The following SIPA1L1 variants were observed in gnomAD, a reference collection of about 807,000 sequenced individuals.
The protein encoded by SIPA1L1 is signal induced proliferation associated 1 like 1, also known as signal-induced proliferation-associated 1-like protein 1.
In SIPA1L1, 26 loss-of-function variants were observed where a neutral mutation model predicts 162.7. The observed-to-expected ratio is 0.16, with a 90% confidence interval of 0.12 to 0.22. The LOEUF (loss-of-function observed/expected upper bound fraction) is 0.22, where lower values mean the gene tolerates loss of function less well. SIPA1L1 is among the 10% of genes least tolerant of loss of function. SIPA1L1 has a pLI of 1.00. For synonymous variants in SIPA1L1, 829 were observed against 837.4 expected, an observed-to-expected ratio of 0.99 and a Z score of 0.17; for missense variants, 1,874 against 2,241.0, an observed-to-expected ratio of 0.84 and a Z score of 3.31.
At chr14:71,477,200 G>A (rs1054642309) in intron 2 of SIPA1L1, among the ~76,000 whole-genome samples, 1 of 152,144 alleles carries the variant, frequency 6.6e-6, no homozygotes, top group African/African-American at 2.4e-5. Flanking sequence ...GGTGGAGGTT[G>A]CAGTGAGCTG....
At chr14:71,581,571 A>G (rs1159204722) in intron 4 of SIPA1L1, among the ~76,000 whole-genome samples, 3 of 152,150 alleles carry the variant, frequency 2.0e-5, no homozygotes, top group Non-Finnish European at 2.9e-5. Flanking sequence ...AAGTTATTTA[A>G]TACCAGATTT....
At chr14:71,609,113 ATG>A (rs2148263227) in intron 5 of SIPA1L1, among the ~76,000 whole-genome samples, 1 of 152,238 alleles carries the variant, frequency 6.6e-6, no homozygotes, top group Admixed American at 6.5e-5. Flanking sequence ...ATATTGGGCC[ATG>A]CCATCTCTTA....
At chr14:71,349,613 T>A (rs2036497332) in intron 2 of SIPA1L1, among the ~76,000 whole-genome samples, 1 of 152,128 alleles carries the variant, frequency 6.6e-6, no homozygotes. Context: ...TTAGTATAGG[T>A]TTAAACAGGT....
At chr14:71,738,439 G>A in intron 23 of SIPA1L1, 114 bp downstream of exon 23, 1 of 652,570 alleles carries the variant, frequency 1.5e-6, no homozygotes, top group South Asian at 2.1e-5. Context: ...CCCGGTGCCT[G>A]CATGTGTTTG....
intron 4 of SIPA1L1, among the ~76,000 whole-genome samples, chr14:71,543,940 T>C (rs1173112664): frequency 1.4e-5 from 2 of 145,238 alleles, no homozygotes; most frequent in African/African-American, 5.2e-5. Context: ...TATGTGTGTA[T>C]ATATACATAT....
chr14:71,500,778 G>A (rs922965038), intron 2 of SIPA1L1, among the ~76,000 whole-genome samples: 27 of 150,966 alleles, frequency 1.8e-4, no homozygotes, highest in Middle Eastern at 3.6e-3. Flanking sequence ...AGGCCAAGGC[G>A]GGCGGGTCAC....
chr14:71,691,149 G>A (rs537201049), intron 13 of SIPA1L1, among the ~76,000 whole-genome samples: 3 of 152,302 alleles, frequency 2.0e-5, no homozygotes, highest in African/African-American at 7.2e-5. Flanking sequence ...TACCTAAACT[G>A]TTGCCAACAG....
chr14:71,510,627 A>G (rs2051069223), intron 2 of SIPA1L1, among the ~76,000 whole-genome samples: 1 of 152,170 alleles, frequency 6.6e-6, no homozygotes, highest in African/African-American at 2.4e-5. Context: ...CCAGGGGTGC[A>G]TATAGCTCAG....
intron 5 of SIPA1L1, among the ~76,000 whole-genome samples, chr14:71,593,571 A>G (rs2035671859): frequency 6.6e-6 from 1 of 152,172 alleles, no homozygotes; most frequent in Non-Finnish European, 1.5e-5. Flanking sequence ...TAAGTGGAAA[A>G]TACTAAGTTA....
intron 14 of SIPA1L1, among the ~76,000 whole-genome samples, chr14:71,701,179 A>G (rs1442422282): frequency 6.6e-6 from 1 of 152,082 alleles, no homozygotes. Context: ...GTCATATTGG[A>G]TGGGGGTTGG....
intron 16 of SIPA1L1, among the ~76,000 whole-genome samples, chr14:71,708,040 T>G (rs1481253610): frequency 6.7e-6 from 1 of 149,330 alleles, no homozygotes; most frequent in Non-Finnish European, 1.5e-5. Context: ...TTTTTTTTTT[T>G]TTTTTTGGAG....
At chr14:71,727,588 T>G (rs897963684) in intron 19 of SIPA1L1, among the ~76,000 whole-genome samples, 1 of 152,158 alleles carries the variant, frequency 6.6e-6, no homozygotes, top group East Asian at 1.9e-4. Context: ...CCTTAGGGCC[T>G]CCTTGGAGCA....
At chr14:71,357,175 T>C (rs2037357374) in intron 2 of SIPA1L1, among the ~76,000 whole-genome samples, 1 of 152,092 alleles carries the variant, frequency 6.6e-6, no homozygotes, top group South Asian at 2.1e-4. Context: ...ATCCTCCCCT[T>C]CAGCCTCCCG....
At chr14:71,408,592 A>G (rs966929688) in intron 2 of SIPA1L1, among the ~76,000 whole-genome samples, 1 of 152,218 alleles carries the variant, frequency 6.6e-6, no homozygotes, top group Non-Finnish European at 1.5e-5. Context: ...TGCAGTGCCA[A>G]GCAGAGCCCA....
At chr14:71,597,428 T>A (rs1196824278) in intron 5 of SIPA1L1, among the ~76,000 whole-genome samples, 1 of 152,190 alleles carries the variant, frequency 6.6e-6, no homozygotes, top group Non-Finnish European at 1.5e-5. Flanking sequence ...ATTTTTCTTG[T>A]TTTTTCTTCT....
chr14:71,451,264 G>A (rs989580236), intron 2 of SIPA1L1, among the ~76,000 whole-genome samples: 2 of 151,340 alleles, frequency 1.3e-5, no homozygotes, highest in Admixed American at 1.3e-4. Context: ...TTTAGGGAGG[G>A]GGATATTTGA....
At chr14:71,386,483 C>T (rs568599788) in intron 2 of SIPA1L1, among the ~76,000 whole-genome samples, 1 of 152,292 alleles carries the variant, frequency 6.6e-6, no homozygotes, top group Admixed American at 6.5e-5. Flanking sequence ...CACCCAGGAA[C>T]AATACTTTGC....
At chr14:71,619,858 A>C (rs1439424742) in intron 6 of SIPA1L1, among the ~76,000 whole-genome samples, 1 of 152,200 alleles carries the variant, frequency 6.6e-6, no homozygotes, top group Non-Finnish European at 1.5e-5. Flanking sequence ...TTTTAAAGAC[A>C]AGACTTAAAT....
chr14:71,704,598 T>TA, intron 15 of SIPA1L1: 1 of 692,868 alleles, frequency 1.4e-6, no homozygotes, highest in Admixed American at 2.2e-5. Flanking sequence ...ATAGTGGTGT[T>TA]ATGGAGGATA....
Sources: allele counts gnomAD v4.1 joint callset (sites outside exome capture counted in the v4.1 genomes callset), GRCh38; gene constraint gnomAD v4.1.1; transcripts MANE v1.5; gene names NCBI Gene and HGNC (gene_info 2026-07-23, HGNC 2026-07-21).